The following ADIPOR1 variants were observed in gnomAD, a reference collection of about 807,000 sequenced individuals.
ADIPOR1 encodes adiponectin receptor 1, also known as adiponectin receptor protein 1.
In ADIPOR1, 15 loss-of-function variants were observed where a neutral mutation model predicts 37.5. The ratio of observed to expected loss-of-function variants is 0.40; its 90% CI spans 0.27 to 0.62. ADIPOR1 has a LOEUF of 0.62. Among genes scored for constraint, ADIPOR1 ranks in the 20% least tolerant of loss-of-function variants. The pLI, the probability that ADIPOR1 is intolerant of heterozygous loss-of-function variation, is 0.42. For synonymous variants in ADIPOR1, 173 were observed against 173.2 expected (o/e 1.00, Z 0.01); for missense variants, 286 against 478.0 (o/e 0.60, Z 3.75).
rs1199468036 is a variant in ADIPOR1, at chr1:202,948,439, A to T, written c.142-19T>A. ...CTTCAGCCTATGGGGGAAAAAACCC[A>T]CAACAATCCAGGGAGTCATCTCATA... On this transcript the variant is annotated intron_variant, in intron 2 of 7. Coordinates refer to ENST00000340990, the MANE Select transcript of ADIPOR1 (RefSeq NM_015999.6). 8.7e-6 allele frequency: 14 copies of T among 1,603,956 alleles called. No homozygotes were observed. Among genetic ancestry groups the T allele is most frequent in the Non-Finnish European group, 1.2e-5 (14 of 1,170,996 alleles).
chr1:202,947,294 G>A (rs1472801875), intron 3 of ADIPOR1, among the ~76,000 whole-genome samples: 1 of 152,120 alleles, frequency 6.6e-6, no homozygotes, highest in East Asian at 1.9e-4. Flanking sequence ...GGCTGAGGCG[G>A]GCGGATCACC....
At chr1:202,943,688 C>A in intron 6 of ADIPOR1, 70 bp downstream of exon 6, 11 of 1,515,590 alleles carry the variant, frequency 7.3e-6, no homozygotes, top group Non-Finnish European at 9.8e-6. Context: ...CCTTAAGGCT[C>A]AAATAGGTTT....
chr1:202,949,463 C>T (rs1039073722), intron 2 of ADIPOR1, among the ~76,000 whole-genome samples: 4 of 151,656 alleles, frequency 2.6e-5, no homozygotes, highest in Non-Finnish European at 5.9e-5. Flanking sequence ...ACCTGTAGTC[C>T]CAGCTACTCG....
At position 202,941,378 on chromosome 1, in the gene ADIPOR1, C is replaced by T. The variant is rs776141978; in HGVS notation, c.*195G>A. Reference sequence around the variant, plus strand: ...ATGGCTAAGTTTGACCATGCCCCATCCCCAGCTAGGAGAATGGAAATGGAA... The same window carrying T: ...ATGGCTAAGTTTGACCATGCCCCATTCCCAGCTAGGAGAATGGAAATGGAA... On this transcript the variant is annotated 3_prime_UTR_variant, in exon 8 of 8. Transcript: ENST00000340990. 7 of 548,096 alleles carry T rather than the reference C, an allele frequency of 1.3e-5. No homozygotes were observed. The highest frequency in any genetic ancestry group is 1.5e-5 in the Non-Finnish European group (5 of 343,520). The allele number at this position is 548,096 out of a possible 1,614,324, so 34.0% of individuals were successfully genotyped here.
chr1:202,947,129 A>C (rs1654362727), intron 3 of ADIPOR1, among the ~76,000 whole-genome samples: 1 of 152,138 alleles, frequency 6.6e-6, no homozygotes, highest in Non-Finnish European at 1.5e-5. Context: ...AAAAAACAAA[A>C]AAACAAAAAC....
chr1:202,941,433 G>A lies in ADIPOR1; in HGVS notation c.*140C>T. On this transcript the variant is annotated 3_prime_UTR_variant, in exon 8 of 8. Coordinates refer to ENST00000340990, the MANE Select transcript of ADIPOR1 (RefSeq NM_015999.6). ...TATTGCCCAGTGGGTGTGAAAGTGG[G>A]CTGAAGCTTGGTTGGTACTGAATTC... is the stretch of plus-strand genomic sequence containing the variant. The A allele has an allele frequency of 9.4e-7, 1 of 1,061,996 alleles. No individual in the cohort carries two copies. Among genetic ancestry groups the A allele is most frequent in the Non-Finnish European group, 1.3e-6 (1 of 765,578 alleles). The allele number at this position is 1,061,996 out of a possible 1,614,324, so 65.8% of individuals were successfully genotyped here. A position where few individuals can be genotyped will look rare whatever the true frequency, so the allele number is the denominator to read the frequency against.
intron 1 of ADIPOR1, among the ~76,000 whole-genome samples, chr1:202,955,688 T>C (rs1269390137): frequency 6.6e-6 from 1 of 152,098 alleles, no homozygotes; most frequent in Admixed American, 6.6e-5. Context: ...TACTGCAGCC[T>C]ATACTCCTGG....
intron 1 of ADIPOR1, 110 bp from the exon 2 acceptor site, chr1:202,951,274 T>A: frequency 1.7e-6 from 1 of 572,330 alleles, no homozygotes; most frequent in Non-Finnish European, 3.0e-6. Context: ...TGTCCCCAAT[T>A]CTAAAGGCCA....
At position 202,943,805 on chromosome 1, in the gene ADIPOR1, G is replaced by A. The variant is rs143634072; in HGVS notation, c.758C>T (p.Ala253Val). The A allele has an allele frequency of 1.2e-6, 2 of 1,613,990 alleles. No individual in the cohort carries two copies. The highest frequency in any genetic ancestry group is 1.7e-6 in the Non-Finnish European group (2 of 1,180,032). Residue 253 changes from alanine to valine, a missense_variant, in exon 6 of 8, where the codon GCG (alanine) becomes GTG (valine). Physicochemically the swap from Ala to Val is moderately conservative, Grantham distance 64 (BLOSUM62 0). Transcript: ENST00000340990. ...AGGAGTGGCAAACCGGTCCCACTGC[G>A]CCACAATGATGGCAGAAATGCCCAG... ...CVLGISAIIV[A>V]QWDRFATPKH...
chr1:202,956,969 G>A (rs1432397249), intron 1 of ADIPOR1, among the ~76,000 whole-genome samples: 1 of 152,300 alleles, frequency 6.6e-6, no homozygotes, highest in Non-Finnish European at 1.5e-5. Context: ...TTTTGCGGAG[G>A]TCTACCATAA....
chr1:202,949,180 G>A (rs1162499452), intron 2 of ADIPOR1, among the ~76,000 whole-genome samples: 2 of 152,042 alleles, frequency 1.3e-5, no homozygotes, highest in African/African-American at 4.8e-5. Flanking sequence ...TGACTCTAGG[G>A]ATGCTGTCAT....
chr1:202,945,290 T>C, intron 4 of ADIPOR1, 121 bp from the exon 5 acceptor site: 1 of 986,058 alleles, frequency 1.0e-6, no homozygotes, highest in South Asian at 2.1e-5. Flanking sequence ...GAAATACAAA[T>C]TAAAAGCACA....
intron 1 of ADIPOR1, among the ~76,000 whole-genome samples, chr1:202,957,955 A>T (rs1654849028): frequency 6.6e-6 from 1 of 152,112 alleles, no homozygotes; most frequent in Non-Finnish European, 1.5e-5. Context: ...CGCCCACCGC[A>T]CCTAGGCCGC....
intron 3 of ADIPOR1, among the ~76,000 whole-genome samples, chr1:202,947,387 T>TG (rs779571990): frequency 1.8e-3 from 276 of 151,870 alleles, no homozygotes; most frequent in Non-Finnish European, 3.3e-3. Context: ...CCAGGCGTGG[T>TG]GGCACATGCC....
intron 5 of ADIPOR1, 131 bp downstream of exon 5, chr1:202,944,852 C>G: frequency 1.1e-6 from 1 of 876,306 alleles, no homozygotes; most frequent in Non-Finnish European, 1.7e-6. Flanking sequence ...CGCCACAGAA[C>G]AGAGAGCCTT....
In ADIPOR1 at chr1:202,941,031, A is replaced by T. The variant is rs773862347; in HGVS notation, c.*542T>A. 4 of 152,642 alleles carry T rather than the reference A, an allele frequency of 2.6e-5. No individual in the cohort carries two copies. The highest frequency in any genetic ancestry group is 1.3e-4 in the Admixed American group (2 of 15,278). The allele number at this position is 152,642 out of a possible 1,614,324, so 9.5% of individuals were successfully genotyped here. ...TTACTTGAAGCCTGGACACACTTCCATGATTAGCCGGGCTAGGTAAAAGTT... is the reference window on the plus strand; with the variant it reads ...TTACTTGAAGCCTGGACACACTTCCTTGATTAGCCGGGCTAGGTAAAAGTT... On this transcript the variant is annotated 3_prime_UTR_variant, in exon 8 of 8. Transcript: ENST00000340990.
At chr1:202,954,679 C>T (rs1259082319) in intron 1 of ADIPOR1, among the ~76,000 whole-genome samples, 4 of 152,212 alleles carry the variant, frequency 2.6e-5, no homozygotes, top group Non-Finnish European at 5.9e-5. Context: ...AGCTTTCCAA[C>T]TGGGTAAACC....
At chr1:202,954,361 G>A (rs1353607487) in intron 1 of ADIPOR1, 1 of 152,246 alleles carries the variant, frequency 6.6e-6, no homozygotes, top group Non-Finnish European at 1.5e-5. Context: ...CGTCTGGCAA[G>A]AAAGAAGAGC....
chr1:202,955,645 G>A (rs1429846069), intron 1 of ADIPOR1, among the ~76,000 whole-genome samples: 1 of 151,992 alleles, frequency 6.6e-6, no homozygotes, highest in African/African-American at 2.4e-5. Flanking sequence ...CCAGTTCCAG[G>A]CCCAGGCTAG....
Sources: gnomAD v4.1 joint callset for allele counts (sites outside exome capture counted in the v4.1 genomes callset) on GRCh38, gnomAD v4.1.1 for gene constraint, MANE v1.5 for transcripts, NCBI Gene and HGNC (gene_info 2026-07-23, HGNC 2026-07-21) for gene names.